Variants in TMEM232 observed in about 807,000 individuals in gnomAD.
TMEM232 encodes transmembrane protein 232.
In TMEM232, 80 loss-of-function variants were observed where a neutral mutation model predicts 78.8. That is an observed-to-expected ratio of 1.01 (90% confidence interval 0.85 to 1.22). TMEM232 has a LOEUF of 1.22. Ranked by LOEUF, TMEM232 falls within the 50% of genes most tolerant of loss-of-function variation. The pLI is 0.00. For synonymous variants in TMEM232, 297 were observed against 254.3 expected (o/e 1.17, Z -1.60); for missense variants, 881 against 742.2 (o/e 1.19, Z -2.17).
At chr5:110,417,470 C>G (rs1296681470), downstream of TMEM232, among the ~76,000 whole-genome samples, 2 of 152,138 alleles carry the variant, frequency 1.3e-5, no homozygotes, top group African/African-American at 4.8e-5. Context: ...GAATACTAAA[C>G]ATAAATTACA....
At chr5:110,735,396 T>A (rs1799055408) in intron 1 of TMEM232, among the ~76,000 whole-genome samples, 1 of 152,196 alleles carries the variant, frequency 6.6e-6, no homozygotes, top group South Asian at 2.1e-4. Flanking sequence ...ATCATATTAT[T>A]TTCAAGGAAA....
intron 12 of TMEM232, among the ~76,000 whole-genome samples, chr5:110,507,973 T>C (rs546618549): frequency 6.6e-6 from 1 of 152,344 alleles, no homozygotes; most frequent in East Asian, 1.9e-4. Flanking sequence ...GATATCTGTA[T>C]GCTAATAGGT....
At chr5:110,460,678 T>A (rs887195941) in intron 12 of TMEM232, among the ~76,000 whole-genome samples, 3 of 152,142 alleles carry the variant, frequency 2.0e-5, no homozygotes, top group Admixed American at 2.0e-4. Context: ...TTCTTTTTTT[T>A]TTTTTTACAA....
rs540888661 is a variant in TMEM232, at chr5:110,669,164, A to C, written c.-12-1800T>G. On this transcript the variant is annotated intron_variant, in intron 1 of 13. Coordinates refer to ENST00000455884, the MANE Select transcript of TMEM232 (RefSeq NM_001039763.4). ...TGAAGGAGATAGAGACACAAAAAAC[A>C]CTTCAAAAAAATCAATGAATCCAGG... Among the ~76,000 whole-genome samples the C allele has an allele frequency of 6.6e-3, 1,004 of 151,948 alleles. 11 individuals are homozygous for C. The highest frequency in any genetic ancestry group is 0.023 in the African/African-American group (939 of 41,352).
At chr5:110,409,665 C>T (rs1452095445) in intron 2 of TMEM232, among the ~76,000 whole-genome samples, 2 of 152,062 alleles carry the variant, frequency 1.3e-5, no homozygotes, top group African/African-American at 4.8e-5. Context: ...CCTGTTCCCC[C>T]ATCTGTTGAG....
At chr5:110,532,220 C>T (rs1006844167) in intron 11 of TMEM232, among the ~76,000 whole-genome samples, 3 of 152,048 alleles carry the variant, frequency 2.0e-5, no homozygotes, top group Non-Finnish European at 4.4e-5. Context: ...GACTGTTCAA[C>T]TCACCTGGCA....
chr5:110,487,622 GCATGTTAAACCATC>G (rs1764608578), intron 12 of TMEM232, among the ~76,000 whole-genome samples: 1 of 151,962 alleles, frequency 6.6e-6, no homozygotes, highest in South Asian at 2.1e-4. Flanking sequence ...TTACTAACTT[GCATGTTAAACCATC>G]CCTGCATCCC....
intron 12 of TMEM232, among the ~76,000 whole-genome samples, chr5:110,492,086 G>A (rs1240695341): frequency 6.6e-6 from 1 of 151,644 alleles, no homozygotes; most frequent in Non-Finnish European, 1.5e-5. Flanking sequence ...AACCTTGAGA[G>A]AATAATACCT....
At chr5:110,500,274 G>A (rs1330858715) in intron 12 of TMEM232, among the ~76,000 whole-genome samples, 2 of 119,612 alleles carry the variant, frequency 1.7e-5, no homozygotes, top group African/African-American at 7.4e-5. Context: ...GGGTGACAGA[G>A]CAAGACTCTG....
At chr5:110,388,933 G>C (rs1365152807) in intron 4 of TMEM232, among the ~76,000 whole-genome samples, 1 of 152,122 alleles carries the variant, frequency 6.6e-6, no homozygotes, top group African/African-American at 2.4e-5. Flanking sequence ...AAGATTACTT[G>C]TGTTGGAGGA....
At chr5:110,437,262 T>C (rs535486023) in intron 12 of TMEM232, among the ~76,000 whole-genome samples, 2 of 152,108 alleles carry the variant, frequency 1.3e-5, no homozygotes, top group East Asian at 3.9e-4. Flanking sequence ...TGCTGGCATA[T>C]AGAAATGCAG....
chr5:110,478,402 C>T (rs1763487827), intron 12 of TMEM232, among the ~76,000 whole-genome samples: 4 of 151,868 alleles, frequency 2.6e-5, no homozygotes, highest in Admixed American at 2.6e-4. Flanking sequence ...AAGGATTTGC[C>T]TATGCATGTA....
At chr5:110,721,453 G>A (rs953464979) in intron 1 of TMEM232, among the ~76,000 whole-genome samples, 12 of 151,380 alleles carry the variant, frequency 7.9e-5, no homozygotes, top group Non-Finnish European at 1.8e-4. Context: ...CGGACATTCA[G>A]TGCCCAGGGT....
chr5:110,504,548 G>A (rs926533589), intron 12 of TMEM232, among the ~76,000 whole-genome samples: 5 of 152,210 alleles, frequency 3.3e-5, no homozygotes, highest in Non-Finnish European at 7.3e-5. Context: ...AAGATCTGCA[G>A]TTGGCAAGCT....
At chr5:110,634,692 GC>G (rs776917576) in intron 5 of TMEM232, among the ~76,000 whole-genome samples, 11 of 151,858 alleles carry the variant, frequency 7.2e-5, no homozygotes, top group Non-Finnish European at 1.0e-4. Context: ...GAGAGACAGA[GC>G]AAAAGCAGTG....
intron 11 of TMEM232, among the ~76,000 whole-genome samples, chr5:110,536,236 G>A (rs1561649268): frequency 6.6e-6 from 1 of 152,236 alleles, no homozygotes; most frequent in Non-Finnish European, 1.5e-5. Context: ...CCATGTGGAA[G>A]CCCTTGACTG....
intron 10 of TMEM232, among the ~76,000 whole-genome samples, chr5:110,574,961 G>A (rs1000132334): frequency 1.1e-4 from 17 of 152,184 alleles, no homozygotes; most frequent in African/African-American, 3.8e-4. Flanking sequence ...TGTTAGAAGG[G>A]AGGGTGGTTC....
chr5:110,576,487 T>C (rs1581268587), intron 10 of TMEM232, among the ~76,000 whole-genome samples: 1 of 152,124 alleles, frequency 6.6e-6, no homozygotes, highest in Non-Finnish European at 1.5e-5. Flanking sequence ...TCAGTGCTAT[T>C]CCTATTAAAC....
chr5:110,402,185 T>C (rs961352349), intron 2 of TMEM232, among the ~76,000 whole-genome samples: 1 of 152,094 alleles, frequency 6.6e-6, no homozygotes. Context: ...ATATTTCAGT[T>C]TGCAATCCCC....
Sources: allele counts gnomAD v4.1 joint callset (sites outside exome capture counted in the v4.1 genomes callset), GRCh38; gene constraint gnomAD v4.1.1; transcripts MANE v1.5; gene names NCBI Gene and HGNC (gene_info 2026-07-23, HGNC 2026-07-21).